The following TRDN variants were observed in gnomAD, a reference collection of about 807,000 sequenced individuals.
The protein encoded by TRDN is triadin in skeletal muscle.
In TRDN, 161 loss-of-function variants were observed where a neutral mutation model predicts 149.7. That is an observed-to-expected ratio of 1.08 (90% CI 0.95 to 1.23). The LOEUF is 1.23. TRDN is among the 50% of genes most tolerant of loss of function. TRDN has a pLI of 0.00. For missense variants in TRDN, 896 were observed against 823.5 expected, an observed-to-expected ratio of 1.09 and a Z score of -1.08; for synonymous variants, 294 against 250.5, an observed-to-expected ratio of 1.17 and a Z score of -1.64.
chr6:123,316,580 T>C (rs1349484709), intron 23 of TRDN, 85 bp from the exon 24 acceptor site: 4 of 1,137,524 alleles, frequency 3.5e-6, no homozygotes, highest in Non-Finnish European at 5.1e-6. Flanking sequence ...AGTGGATTAA[T>C]AGGTAGGCTT....
chr6:123,361,774 A>G (rs948929749), intron 20 of TRDN, among the ~76,000 whole-genome samples: 1 of 152,056 alleles, frequency 6.6e-6, no homozygotes, highest in Admixed American at 6.5e-5. Context: ...TTTTTTCTGC[A>G]GTTACTGAAG....
At chr6:123,498,230 C>T (rs1438487243) in intron 8 of TRDN, 1 of 178,636 alleles carries the variant, frequency 5.6e-6, no homozygotes, top group Admixed American at 5.6e-5. Flanking sequence ...CAACATGTTA[C>T]ATTCTTAATT....
chr6:123,380,714 G>T (rs373846390), intron 16 of TRDN, among the ~76,000 whole-genome samples: 9,195 of 118,584 alleles, frequency 0.078, 915 homozygotes, highest in African/African-American at 0.25. Context: ...AAGTTCAAGG[G>T]TTTTTTTTTT....
chr6:123,413,324 A>T (rs1773519142), intron 12 of TRDN, among the ~76,000 whole-genome samples: 2 of 152,194 alleles, frequency 1.3e-5, no homozygotes, highest in Non-Finnish European at 2.9e-5. Flanking sequence ...TATCAAAAAC[A>T]CTTCAATTTC....
intron 21 of TRDN, among the ~76,000 whole-genome samples, chr6:123,346,076 C>T (rs773174105): frequency 1.1e-4 from 16 of 151,966 alleles, no homozygotes; most frequent in Non-Finnish European, 1.9e-4. Context: ...GATGAAGGGG[C>T]GTGAAAGCGA....
At chr6:123,397,754 A>C (rs922609596) in intron 12 of TRDN, among the ~76,000 whole-genome samples, 1 of 152,216 alleles carries the variant, frequency 6.6e-6, no homozygotes, top group Non-Finnish European at 1.5e-5. Flanking sequence ...TTGTAAAATT[A>C]ACTAATTTAG....
rs1582803470 is a variant in TRDN, at chr6:123,269,839, C to T, written c.1738+10G>A. The stretch of plus-strand genomic sequence containing the variant: ...GATATTTCTCAGGTGTTATTCTATT[C>T]ATCTCTTACTTGTTGGTTTGGGCTT... On this transcript the variant is annotated intron_variant, in intron 31 of 40. Transcript: ENST00000334268. 3.1e-6 allele frequency: 5 copies of T among 1,609,926 alleles called. No individual in the cohort carries two copies. The East Asian group carries it at 9.0e-5, about 29-fold the overall frequency.
chr6:123,377,385 G>C (rs1582939000), intron 18 of TRDN, among the ~76,000 whole-genome samples: 2 of 152,186 alleles, frequency 1.3e-5, no homozygotes, highest in East Asian at 3.9e-4. Flanking sequence ...ATACTGCACA[G>C]ATGAATTCAC....
intron 35 of TRDN, among the ~76,000 whole-genome samples, chr6:123,258,026 G>A (rs573114008): frequency 6.6e-6 from 1 of 152,272 alleles, no homozygotes; most frequent in East Asian, 1.9e-4. Flanking sequence ...AGCTCAAGGA[G>A]TTTTGGGGCT....
At chr6:123,324,612 C>T (rs1258608834) in intron 23 of TRDN, among the ~76,000 whole-genome samples, 1 of 152,048 alleles carries the variant, frequency 6.6e-6, no homozygotes, top group Non-Finnish European at 1.5e-5. Flanking sequence ...TGAATGAGGG[C>T]TGATATTTAA....
intron 5 of TRDN, among the ~76,000 whole-genome samples, chr6:123,522,946 A>G (rs1779759128): frequency 6.6e-6 from 1 of 152,202 alleles, no homozygotes; most frequent in Admixed American, 6.6e-5. Context: ...GGATAACAAA[A>G]CAGAATCATA....
At chr6:123,257,214 G>A (rs780765456) in intron 35 of TRDN, among the ~76,000 whole-genome samples, 4 of 152,034 alleles carry the variant, frequency 2.6e-5, no homozygotes, top group East Asian at 3.9e-4. Flanking sequence ...TCTTGACCTC[G>A]TGATCCGCCC....
chr6:123,334,277 C>G (rs1308497892), intron 22 of TRDN, among the ~76,000 whole-genome samples: 1 of 152,012 alleles, frequency 6.6e-6, no homozygotes, highest in Non-Finnish European at 1.5e-5. Context: ...GCCATTATAT[C>G]CAAACATACA....
intron 1 of TRDN, among the ~76,000 whole-genome samples, chr6:123,576,388 T>C (rs1454862849): frequency 1.3e-5 from 2 of 152,138 alleles, no homozygotes; most frequent in African/African-American, 4.8e-5. Context: ...GATATGATTA[T>C]CATAATGCAA....
chr6:123,307,368 T>A (rs1278096313), intron 24 of TRDN, among the ~76,000 whole-genome samples: 3 of 152,218 alleles, frequency 2.0e-5, no homozygotes, highest in East Asian at 3.9e-4. Flanking sequence ...TATCTCTCTG[T>A]GCTGGTTCCT....
At chr6:123,583,226 C>T (rs549046973) in intron 1 of TRDN, among the ~76,000 whole-genome samples, 1 of 152,138 alleles carries the variant, frequency 6.6e-6, no homozygotes, top group African/African-American at 2.4e-5. Context: ...GCAGTGTAAA[C>T]AATAGCAGGG....
At chr6:123,592,885 G>A (rs1025589241) in intron 1 of TRDN, among the ~76,000 whole-genome samples, 47 of 152,062 alleles carry the variant, frequency 3.1e-4, no homozygotes, top group African/African-American at 1.0e-3. Flanking sequence ...TAAGAAAAAT[G>A]AAAAACAGTT....
rs574594888 is a variant in TRDN at position 123,611,257 on chromosome 6, C to T, written c.22+25497G>A. Among the ~76,000 whole-genome samples, 14 of 152,040 alleles carry T rather than the reference C, an allele frequency of 9.2e-5. No individual in the cohort carries two copies. In the South Asian group the frequency reaches 1.5e-3, roughly 16 times the overall value. Reference sequence around the variant, plus strand: ...ATTCTAAATCTGATAAATGCAAATGCGAATACTTTTGGAATAACCAAGAGA... The same window carrying T: ...ATTCTAAATCTGATAAATGCAAATGTGAATACTTTTGGAATAACCAAGAGA... On this transcript the variant is annotated intron_variant, in intron 1 of 40. Coordinates refer to ENST00000334268, the MANE Select transcript of TRDN (RefSeq NM_006073.4).
At chr6:123,374,708 G>A (rs963819) in intron 19 of TRDN, among the ~76,000 whole-genome samples, 53,162 of 151,746 alleles carry the variant, frequency 0.35, 10,185 homozygotes, top group East Asian at 0.74. Context: ...CCCAGGAGGC[G>A]GAGGTGCAGT....
Sources: allele counts gnomAD v4.1 joint callset (sites outside exome capture counted in the v4.1 genomes callset), GRCh38; gene constraint gnomAD v4.1.1; transcripts MANE v1.5; gene names NCBI Gene and HGNC (gene_info 2026-07-23, HGNC 2026-07-21).